The following ITPR2 variants were observed in gnomAD, a reference collection of about 807,000 sequenced individuals.
ITPR2 encodes inositol 1,4,5-trisphosphate-gated calcium channel ITPR2.
ITPR2 carries 207 observed loss-of-function variants against 317.1 expected under a neutral mutation model. The observed-to-expected ratio is 0.65, with a 90% confidence interval of 0.58 to 0.73. The LOEUF is 0.73. ITPR2 is among the 30% of genes least tolerant of loss of function. The pLI is 0.00. For synonymous variants in ITPR2, 1,156 were observed against 1,149.1 expected (o/e 1.01, Z -0.12); for missense variants, 2,613 against 3,284.0 (o/e 0.80, Z 4.99).
At chr12:26,581,942 C>G (rs1056073619) in intron 32 of ITPR2, among the ~76,000 whole-genome samples, 5 of 152,156 alleles carry the variant, frequency 3.3e-5, no homozygotes, top group African/African-American at 1.2e-4. Flanking sequence ...CACACTGCAT[C>G]TTCTGCAACT....
Position 26,537,071 on chromosome 12 carries a change from C to T in ITPR2, c.5073+13176G>A, listed in dbSNP as rs559423317. On this transcript the variant is annotated intron_variant, in intron 37 of 56. Transcript: ENST00000381340. ...AAATAAAGCAAGAAGCTGGAGGGAC[C>T]GCTTAGAGAAGAGGACAAGGATAGA... Among the ~76,000 whole-genome samples the T allele has an allele frequency of 8.9e-4, 135 of 151,740 alleles. 2 individuals are homozygous for T. The highest frequency in any genetic ancestry group is 7.5e-3 in the Admixed American group (114 of 15,292).
intron 37 of ITPR2, among the ~76,000 whole-genome samples, chr12:26,507,897 GT>G: frequency 6.6e-6 from 1 of 150,790 alleles, no homozygotes; most frequent in South Asian, 2.1e-4. Context: ...GTGTGTGTAT[GT>G]CAGTGTGTAT....
intron 1 of ITPR2, among the ~76,000 whole-genome samples, chr12:26,810,145 A>G (rs1248133369): frequency 6.6e-6 from 1 of 152,226 alleles, no homozygotes; most frequent in Non-Finnish European, 1.5e-5. Context: ...TAGTCTGAAG[A>G]AGGTCTGTGA....
At chr12:26,467,465 G>C (rs920758846) in intron 45 of ITPR2, among the ~76,000 whole-genome samples, 1 of 152,072 alleles carries the variant, frequency 6.6e-6, no homozygotes, top group Non-Finnish European at 1.5e-5. Flanking sequence ...AAATATACTA[G>C]GAAGTGCTAT....
chr12:26,397,936 C>T (rs564178729), intron 54 of ITPR2, among the ~76,000 whole-genome samples: 1 of 151,658 alleles, frequency 6.6e-6, no homozygotes, highest in Admixed American at 6.6e-5. Context: ...CAACTGAAGC[C>T]AGAAAGAGGT....
intron 32 of ITPR2, among the ~76,000 whole-genome samples, chr12:26,584,407 C>T (rs1012628652): frequency 2.4e-4 from 37 of 152,154 alleles, no homozygotes; most frequent in African/African-American, 8.4e-4. Flanking sequence ...CAGCATATAA[C>T]AGATATTCTA....
At chr12:26,376,326 C>T (rs1290233330) in intron 55 of ITPR2, among the ~76,000 whole-genome samples, 1 of 152,178 alleles carries the variant, frequency 6.6e-6, no homozygotes, top group East Asian at 1.9e-4. Context: ...ATCACATCTC[C>T]TCAACTTATT....
At chr12:26,631,794 CAA>C in intron 22 of ITPR2, 70 bp downstream of exon 22, 1 of 1,350,582 alleles carries the variant, frequency 7.4e-7, no homozygotes, top group Admixed American at 1.8e-5. Context: ...TGATTTGGAA[CAA>C]AAAGGGTAAG....
Position 26,465,178 on chromosome 12 carries a change from A to C in ITPR2, c.6342+10118T>G, listed in dbSNP as rs111368226. ...TCTAACAGAAGCCAGAGAAAGAAAT[A>C]GGAGCCAGTGAAGCAGAACGAAAGA... On this transcript the variant is annotated intron_variant, in intron 45 of 56. Transcript: ENST00000381340. 8.5e-4 allele frequency among the ~76,000 whole-genome samples: 130 copies of C among 152,386 alleles called. 2 individuals are homozygous for C. The highest frequency in any genetic ancestry group is 3.0e-3 in the African/African-American group (123 of 41,596).
chr12:26,345,384 T>C (rs1938272050), intron 55 of ITPR2, among the ~76,000 whole-genome samples: 1 of 152,204 alleles, frequency 6.6e-6, no homozygotes, highest in East Asian at 1.9e-4. Context: ...CATTTTTTCC[T>C]ATATATACAT....
At chr12:26,435,865 C>T (rs16930702) in intron 48 of ITPR2, among the ~76,000 whole-genome samples, 19,075 of 151,980 alleles carry the variant, frequency 0.13, 1,718 homozygotes, top group East Asian at 0.38. Context: ...AAAATATAAA[C>T]GCCAGTATTT....
intron 37 of ITPR2, among the ~76,000 whole-genome samples, chr12:26,533,154 T>C (rs1198984750): frequency 6.6e-6 from 1 of 152,224 alleles, no homozygotes; most frequent in Non-Finnish European, 1.5e-5. Context: ...AACACAGTGC[T>C]ATCAAATTTT....
At position 26,381,922 on chromosome 12, in the gene ITPR2, C is replaced by T. The variant is rs182596038; in HGVS notation, c.7857+5512G>A. ...TTAAGTACAAATATCCGTTAATATA[C>T]CTCAGCAAATGAACACTGGTAATCT... On this transcript the variant is annotated intron_variant, in intron 55 of 56. Transcript: ENST00000381340. Among the ~76,000 whole-genome samples the T allele has an allele frequency of 5.1e-3, 772 of 152,284 alleles. 6 individuals are homozygous for T. Among genetic ancestry groups the T allele is most frequent in the Middle Eastern group, 0.014 (4 of 294 alleles).
At chr12:26,627,728 C>T (rs1946652834) in intron 23 of ITPR2, among the ~76,000 whole-genome samples, 1 of 151,980 alleles carries the variant, frequency 6.6e-6, no homozygotes, top group Non-Finnish European at 1.5e-5. Context: ...ACAATAAGAA[C>T]ACATGGACAC....
chr12:26,657,822 C>T lies in ITPR2; in HGVS notation c.2077G>A (p.Val693Ile), dbSNP rs1947406739. 1 of 1,613,984 alleles carries T rather than the reference C, an allele frequency of 6.2e-7. No individual in the cohort carries two copies. The highest frequency in any genetic ancestry group is 1.1e-5 in the South Asian group (1 of 91,084). Reference sequence around the variant, plus strand: ...TTGCTGTCAATCCAATAGAGCCAAACTTCTTCATCATCAATGTCATCTGAA... The same window carrying T: ...TTGCTGTCAATCCAATAGAGCCAAATTTCTTCATCATCAATGTCATCTGAA... ...ILSDDIDDEE[V>I]WLYWIDSNKE... The change falls in exon 18 of 57, where the codon GTT becomes ATT. Residue 693 changes from valine (V) to isoleucine (I), a missense_variant. Physicochemically the swap from Val to Ile is conservative, Grantham distance 29 (BLOSUM62 3). Transcript: ENST00000381340.
chr12:26,411,969 C>T (rs1216632205), intron 51 of ITPR2, among the ~76,000 whole-genome samples: 1 of 152,176 alleles, frequency 6.6e-6, no homozygotes, highest in Non-Finnish European at 1.5e-5. Context: ...CTTCCTGGCT[C>T]ACCACCTATT....
At chr12:26,616,287 A>G (rs1028744652) in intron 26 of ITPR2, among the ~76,000 whole-genome samples, 9 of 151,828 alleles carry the variant, frequency 5.9e-5, no homozygotes, top group Non-Finnish European at 1.0e-4. Context: ...ACAGGCACCC[A>G]CCACCACACC....
chr12:26,433,895 C>T (rs1332603918), intron 48 of ITPR2, among the ~76,000 whole-genome samples: 1 of 152,154 alleles, frequency 6.6e-6, no homozygotes, highest in African/African-American at 2.4e-5. Context: ...AGCAGAGCTT[C>T]ATTATGTGAA....
intron 2 of ITPR2, among the ~76,000 whole-genome samples, chr12:26,740,374 T>C (rs901007639): frequency 6.6e-6 from 1 of 152,154 alleles, no homozygotes; most frequent in African/African-American, 2.4e-5. Flanking sequence ...TGAAAACACA[T>C]ATTAGTCATC....
Sources: gnomAD v4.1 joint callset for allele counts (sites outside exome capture counted in the v4.1 genomes callset) on GRCh38, gnomAD v4.1.1 for gene constraint, MANE v1.5 for transcripts, NCBI Gene and HGNC (gene_info 2026-07-23, HGNC 2026-07-21) for gene names.